The following ITGA1 variants were observed in gnomAD, a reference collection of about 807,000 sequenced individuals.
The protein encoded by ITGA1 is integrin alpha-1.
In ITGA1, 85 loss-of-function variants were observed where a neutral mutation model predicts 145.9. That is an observed-to-expected ratio of 0.58 (90% CI 0.49 to 0.70). The LOEUF is 0.70. Ranked by LOEUF, ITGA1 falls within the 30% of genes least tolerant of loss-of-function variation. The pLI, the probability that ITGA1 is intolerant of heterozygous loss-of-function variation, is 0.00. For missense variants in ITGA1, 1,351 were observed against 1,418.7 expected, an observed-to-expected ratio of 0.95 and a Z score of 0.77; for synonymous variants, 520 against 495.3, an observed-to-expected ratio of 1.05 and a Z score of -0.66.
chr5:52,909,570 C>T (rs1750465984), intron 13 of ITGA1, among the ~76,000 whole-genome samples: 1 of 152,194 alleles, frequency 6.6e-6, no homozygotes, highest in South Asian at 2.1e-4. Flanking sequence ...CTCTTTATAG[C>T]AAAGCCAGTG....
intron 1 of ITGA1, chr5:52,801,393 G>T (rs369308865): frequency 6.3e-7 from 1 of 1,597,304 alleles, no homozygotes; most frequent in South Asian, 1.1e-5. Context: ...CCTAACTTTT[G>T]TAATTGTGAT....
At chr5:52,907,499 T>C (rs116686654) in intron 12 of ITGA1, among the ~76,000 whole-genome samples, 94 of 152,256 alleles carry the variant, frequency 6.2e-4, no homozygotes, top group Non-Finnish European at 1.2e-3. Context: ...GAGAGTATCA[T>C]GAATGATTTA....
intron 28 of ITGA1, among the ~76,000 whole-genome samples, chr5:52,950,321 C>A (rs969261313): frequency 3.9e-5 from 6 of 152,110 alleles, no homozygotes; most frequent in Non-Finnish European, 7.3e-5. Flanking sequence ...ATTCTTCATC[C>A]AATATACATG....
chr5:52,825,442 A>T (rs141772070), intron 1 of ITGA1, among the ~76,000 whole-genome samples: 1 of 152,212 alleles, frequency 6.6e-6, no homozygotes, highest in East Asian at 1.9e-4. Context: ...GCAATTTCAA[A>T]ATTTTTCCTT....
At chr5:52,912,601 A>AC (rs1750578694) in intron 14 of ITGA1, among the ~76,000 whole-genome samples, 3 of 143,080 alleles carry the variant, frequency 2.1e-5, no homozygotes, top group Admixed American at 7.0e-5. Flanking sequence ...GGTATTATAT[A>AC]TAGTGTATCC....
chr5:52,821,396 C>G (rs975320900), intron 1 of ITGA1, among the ~76,000 whole-genome samples: 9 of 152,156 alleles, frequency 5.9e-5, no homozygotes, highest in Admixed American at 5.9e-4. Context: ...GATGGCCCCA[C>G]TGATATTCAT....
chr5:52,840,753 G>A (rs1363553145), intron 1 of ITGA1, among the ~76,000 whole-genome samples: 1 of 152,182 alleles, frequency 6.6e-6, no homozygotes, highest in Non-Finnish European at 1.5e-5. Context: ...CACTCTAGGA[G>A]TTATTCTGGG....
At chr5:52,810,759 T>C (rs1234175329) in intron 1 of ITGA1, among the ~76,000 whole-genome samples, 1 of 43,684 alleles carries the variant, frequency 2.3e-5, no homozygotes, top group African/African-American at 8.4e-5. Flanking sequence ...TAAAACTTAA[T>C]AGAGCTTAAT....
intron 24 of ITGA1, among the ~76,000 whole-genome samples, chr5:52,937,865 G>A (rs1010805924): frequency 2.6e-5 from 4 of 152,030 alleles, no homozygotes; most frequent in South Asian, 2.1e-4. Context: ...AACCCTAGTC[G>A]TTCCTTGGCT....
At chr5:52,898,433 T>TA in intron 11 of ITGA1, 50 bp downstream of exon 11, 1 of 1,459,400 alleles carries the variant, frequency 6.9e-7, no homozygotes, top group South Asian at 1.4e-5. Context: ...TTCCATTTTT[T>TA]ACCTTTAGCA....
At chr5:52,882,065 T>C in intron 7 of ITGA1, 44 bp downstream of exon 7, 1 of 1,459,486 alleles carries the variant, frequency 6.9e-7, no homozygotes, top group Non-Finnish European at 9.2e-7. Flanking sequence ...ACTGCAAAAA[T>C]AACTGCTCAT....
intron 2 of ITGA1, among the ~76,000 whole-genome samples, chr5:52,854,957 A>AATGCC (rs1580063449): frequency 6.6e-6 from 1 of 152,204 alleles, no homozygotes; most frequent in Non-Finnish European, 1.5e-5. Flanking sequence ...TCATTACAAA[A>AATGCC]ATGCCATATA....
chr5:52,905,675 T>G, intron 11 of ITGA1, 88 bp from the exon 12 acceptor site: 1 of 1,062,806 alleles, frequency 9.4e-7, no homozygotes, highest in Non-Finnish European at 1.3e-6. Context: ...ATAAAAATGA[T>G]TATCTTGGCC....
chr5:52,952,787 C>A lies in ITGA1; in HGVS notation c.*336C>A, dbSNP rs1751244431. On this transcript the variant is annotated 3_prime_UTR_variant, in exon 29 of 29. Coordinates refer to ENST00000282588, the MANE Select transcript of ITGA1 (RefSeq NM_181501.2). ...GAATATATAAAAAGATTTTTATGAT[C>A]ATAGAAACATCTATTTTCAAAACAA... The A allele has an allele frequency of 6.4e-6, 1 of 155,218 alleles. No individual in the cohort carries two copies. Among genetic ancestry groups the A allele is most frequent in the Admixed American group, 6.5e-5 (1 of 15,336 alleles). The allele number at this position is 155,218 out of a possible 1,614,324, so 9.6% of individuals were successfully genotyped here. A position where few individuals can be genotyped will look rare whatever the true frequency, so the allele number is the denominator to read the frequency against.
chr5:52,874,418 C>T (rs1749833478), intron 6 of ITGA1, among the ~76,000 whole-genome samples: 2 of 119,544 alleles, frequency 1.7e-5, no homozygotes, highest in Admixed American at 2.0e-4. Flanking sequence ...GGGGACAAAC[C>T]ATATTCAAGC....
intron 1 of ITGA1, among the ~76,000 whole-genome samples, chr5:52,789,286 T>G (rs1464483842): frequency 6.6e-6 from 1 of 152,194 alleles, no homozygotes; most frequent in Admixed American, 6.5e-5. Context: ...ATAGAATCTC[T>G]GTGTGAAAGA....
rs557228086 is a variant in ITGA1 at position 52,809,652 on chromosome 5, C to T, written c.61+21238C>T. ...CCCCAGTAGCTGGGGATTACAGGTGCGTGCCACCACACCCAGCTAATTGTC... is the reference window on the plus strand; with the variant it reads ...CCCCAGTAGCTGGGGATTACAGGTGTGTGCCACCACACCCAGCTAATTGTC... On this transcript the variant is annotated intron_variant, in intron 1 of 28. Coordinates refer to ENST00000282588, the MANE Select transcript of ITGA1 (RefSeq NM_181501.2). Among the ~76,000 whole-genome samples the T allele has an allele frequency of 1.2e-4, 18 of 151,946 alleles. No homozygotes were observed. The South Asian group carries it at 1.7e-3, about 14-fold the overall frequency.
At chr5:52,928,564 C>T (rs1380909263) in intron 20 of ITGA1, among the ~76,000 whole-genome samples, 4 of 152,196 alleles carry the variant, frequency 2.6e-5, no homozygotes, top group East Asian at 3.8e-4. Flanking sequence ...AAAGAAGCCA[C>T]GTATGCATTG....
chr5:52,800,758 C>T, intron 1 of ITGA1: 1 of 1,614,218 alleles, frequency 6.2e-7, no homozygotes, highest in Non-Finnish European at 8.5e-7. Context: ...TAGTGTGGTA[C>T]TGGAGCGCAT....
Sources: gnomAD v4.1 joint callset for allele counts (sites outside exome capture counted in the v4.1 genomes callset) on GRCh38, gnomAD v4.1.1 for gene constraint, MANE v1.5 for transcripts, NCBI Gene and HGNC (gene_info 2026-07-23, HGNC 2026-07-21) for gene names.